ZNF669: variants seen among roughly 807,000 people sequenced by gnomAD.
ZNF669 encodes zinc finger protein 669.
In ZNF669, 7 loss-of-function variants were observed where a neutral mutation model predicts 11.4. That is an observed-to-expected ratio of 0.62 (90% CI 0.35 to 1.16). The LOEUF (loss-of-function observed/expected upper bound fraction) is 1.16, where lower values mean the gene tolerates loss of function less well. Among genes scored for constraint, ZNF669 ranks in the 50% most tolerant of loss-of-function variants. ZNF669 has a pLI of 0.02. For synonymous variants in ZNF669, 153 were observed against 155.8 expected, an observed-to-expected ratio of 0.98 and a Z score of 0.13; for missense variants, 492 against 463.6, an observed-to-expected ratio of 1.06 and a Z score of -0.56.
chr1:247,102,161 C>A, intron 1 of ZNF669, 48 bp from the exon 2 acceptor site: 1 of 1,531,992 alleles, frequency 6.5e-7, no homozygotes, highest in South Asian at 1.3e-5. Context: ...AGACTGACAG[C>A]ACTGGGAATC....
rs1671707786 is a variant in ZNF669 at position 247,100,874 on chromosome 1, T to A, written c.637A>T (p.Thr213Ser). 1.9e-6 allele frequency: 3 copies of A among 1,614,202 alleles called. No individual in the cohort carries two copies. The highest frequency in any genetic ancestry group is 2.5e-6 in the Non-Finnish European group (3 of 1,180,056). Reference protein sequence around the residue: ...VSGSCLIHERTHTGEKPYECK... With the variant: ...VSGSCLIHERSHTGEKPYECK... The stretch of plus-strand genomic sequence containing the variant: ...TCGTAGGGTTTCTCTCCAGTGTGAG[T>A]TCGTTCATGTATTAGACAAGAACCG... Residue 213 changes from threonine (T) to serine (S), a missense_variant, in exon 4 of 4, where the codon ACT (threonine) becomes TCT (serine). Transcript: ENST00000448299.
At chr1:247,103,369 C>T (rs151017573) in intron 1 of ZNF669, among the ~76,000 whole-genome samples, 3,824 of 152,204 alleles carry the variant, frequency 0.025, 179 homozygotes, top group African/African-American at 0.088. Flanking sequence ...CGCGGTGGCT[C>T]ACGCCTGTAA....
Position 247,101,128 on chromosome 1 carries a change from T to C in ZNF669, c.383A>G (p.Tyr128Cys), listed in dbSNP as rs775166541. ...ATATTGCTTCTCTCCATATGGTTTG[T>C]ATCCTGAGTGAGCTAGGATATGCCT... ...LNRHILAHSG[Y>C]KPYGEKQYKC... Residue 128 changes from tyrosine to cysteine, a missense_variant, in exon 4 of 4, where the codon TAC (tyrosine) becomes TGC (cysteine). Coordinates refer to ENST00000448299, the MANE Select transcript of ZNF669 (RefSeq NM_001142572.2). The C allele has an allele frequency of 6.8e-6, 11 of 1,614,124 alleles. No homozygotes were observed. The East Asian group carries it at 8.9e-5, about 13-fold the overall frequency.
Position 247,101,052 on chromosome 1 carries a change from T to C in ZNF669, c.459A>G (p.Arg153=). ...GATTTCCACTGTGCATTATCATGTG[T>C]CTTCTAACACCTGGAACAGAAACGA... The part of the protein sequence containing the change: ...KFFVSVPGVR[R]HMIMHSGNPA... Residue 153 remains arginine (R), a synonymous_variant, in exon 4 of 4, where the codon AGA becomes AGG. Transcript: ENST00000448299. 1 of 1,613,978 alleles carries C rather than the reference T, an allele frequency of 6.2e-7. No individual in the cohort carries two copies. The highest frequency in any genetic ancestry group is 8.5e-7 in the Non-Finnish European group (1 of 1,180,028).
In ZNF669 at chr1:247,104,297, C is replaced by T. The variant is rs1671798650; in HGVS notation, c.-98G>A. Reference sequence around the variant, plus strand: ...CTGCTGCAGAGCCACCTGGGCCTCCCAGAGCCAAGAACTAGCAGCGGAGAC... The same window carrying T: ...CTGCTGCAGAGCCACCTGGGCCTCCTAGAGCCAAGAACTAGCAGCGGAGAC... On this transcript the variant is annotated 5_prime_UTR_variant, in exon 1 of 4. Transcript: ENST00000448299. 5.7e-6 allele frequency: 8 copies of T among 1,412,136 alleles called. No individual in the cohort carries two copies. In the South Asian group the frequency reaches 1.3e-4, roughly 22 times the overall value. The allele number at this position is 1,412,136 out of a possible 1,614,324, so 87.5% of individuals were successfully genotyped here. A position where few individuals can be genotyped will look rare whatever the true frequency, so the allele number is the denominator to read the frequency against.
At position 247,100,699 on chromosome 1, in the gene ZNF669, G is replaced by A. The variant is rs1464732421; in HGVS notation, c.812C>T (p.Thr271Ile). 2 of 1,614,204 alleles carry A rather than the reference G, an allele frequency of 1.2e-6. No individual in the cohort carries two copies. The highest frequency in any genetic ancestry group is 2.2e-5 in the South Asian group (2 of 91,086). The change falls in exon 4 of 4, where the codon ACT becomes ATT. Residue 271 changes from threonine to isoleucine, a missense_variant. By Grantham distance (89) the Thr-to-Ile change is moderately conservative (BLOSUM62 -1). Coordinates refer to ENST00000448299, the MANE Select transcript of ZNF669 (RefSeq NM_001142572.2). ...TTTACACTCATAGGGTCTCTCTCCA[G>A]TATGAATGCTTCCATGGTAACGAAG... ...TSLRYHGSIH[T>I]GERPYECKQC...
Position 247,101,123 on chromosome 1 carries a change from G to T in ZNF669, c.388C>A (p.Pro130Thr). ...RHILAHSGYK[P>T]YGEKQYKCEQ... ...CATTTATATTGCTTCTCTCCATATG[G>T]TTTGTATCCTGAGTGAGCTAGGATA... is the stretch of plus-strand genomic sequence containing the variant. The change falls in exon 4 of 4, where the codon CCA becomes ACA. Residue 130 changes from proline to threonine, a missense_variant. Physicochemically the swap from Pro to Thr is conservative, Grantham distance 38. Coordinates refer to ENST00000448299, the MANE Select transcript of ZNF669 (RefSeq NM_001142572.2). 6.2e-7 allele frequency: 1 copy of T among 1,614,058 alleles called. No individual in the cohort carries two copies. Among genetic ancestry groups the T allele is most frequent in the Non-Finnish European group, 8.5e-7 (1 of 1,180,008 alleles).
chr1:247,102,137 T>C lies in ZNF669; in HGVS notation c.4-24A>G, dbSNP rs1168552807. The C allele has an allele frequency of 7.0e-6, 11 of 1,565,236 alleles. No individual in the cohort carries two copies. In the South Asian group the frequency reaches 8.3e-5, roughly 12 times the overall value. On this transcript the variant is annotated intron_variant, in intron 1 of 3. Coordinates refer to ENST00000448299, the MANE Select transcript of ZNF669 (RefSeq NM_001142572.2). ...TCCTAGAACATTCCACACATGTGGA[T>C]AGAAGGATGGGTGAGACTGACAGCA...
chr1:247,100,428 A>C lies in ZNF669; in HGVS notation c.1083T>G (p.Ser361Arg), dbSNP rs767661162. Residue 361 changes from serine (S) to arginine (R), a missense_variant, in exon 4 of 4, where the codon AGT (serine) becomes AGG (arginine). By Grantham distance (110) the Ser-to-Arg change is moderately radical. Coordinates refer to ENST00000448299, the MANE Select transcript of ZNF669 (RefSeq NM_001142572.2). Reference sequence around the variant, plus strand: ...AAGTGCTGGGATTATAGGCTGAGTCACTACACCCAGCCTCTATATCATGAC... The same window carrying C: ...AAGTGCTGGGATTATAGGCTGAGTCCCTACACCCAGCCTCTATATCATGAC... ...ERSHDIEAGC[S>R]DSAYNPSTLG... 6.2e-7 allele frequency: 1 copy of C among 1,613,946 alleles called. No individual in the cohort carries two copies. Among genetic ancestry groups the C allele is most frequent in the South Asian group, 1.1e-5 (1 of 91,070 alleles).
chr1:247,102,123 T>C lies in ZNF669; in HGVS notation c.4-10A>G, dbSNP rs1671738176. 6.3e-7 allele frequency: 1 copy of C among 1,588,752 alleles called. No homozygotes were observed. Among genetic ancestry groups the C allele is most frequent in the Admixed American group, 1.8e-5 (1 of 54,340 alleles). ...CAAAAGCCACCGAGTCCTAGAACAT[T>C]CCACACATGTGGATAGAAGGATGGG... On this transcript the variant is annotated splice_polypyrimidine_tract_variant and intron_variant, in intron 1 of 3. Coordinates refer to ENST00000448299, the MANE Select transcript of ZNF669 (RefSeq NM_001142572.2).
intron 2 of ZNF669, 66 bp downstream of exon 2, chr1:247,101,921 A>G: frequency 6.2e-7 from 1 of 1,611,358 alleles, no homozygotes; most frequent in Non-Finnish European, 8.5e-7. Flanking sequence ...CACATTCCAA[A>G]TCATAAATAG....
In ZNF669 at chr1:247,100,680, C is replaced by G. The variant is rs745512907; in HGVS notation, c.831G>C (p.Glu277Asp). 3.1e-6 allele frequency: 5 copies of G among 1,614,068 alleles called. No individual in the cohort carries two copies. In the South Asian group the frequency reaches 3.3e-5, roughly 11 times the overall value. ...TAAAGGCTTTGCCACATTGTTTACA[C>G]TCATAGGGTCTCTCTCCAGTATGAA... ...GSIHTGERPYECKQCGKAFSR... is the reference protein window; with the variant it reads ...GSIHTGERPYDCKQCGKAFSR... The change falls in exon 4 of 4, where the codon GAG (glutamate) becomes GAC (aspartate). Residue 277 changes from glutamate to aspartate, a missense_variant. By Grantham distance (45) the Glu-to-Asp change is conservative (BLOSUM62 2). Transcript: ENST00000448299.
rs546364547 is a variant in ZNF669, at chr1:247,102,091, A to T, written c.26T>A (p.Val9Glu). MDSVAFED[V>E]AVNFTQEEWA... ...TTCCTCCTGGGTAAAGTTCACAGCC[A>T]CATCCTCAAAAGCCACCGAGTCCTA... Residue 9 changes from valine (V) to glutamate (E), a missense_variant, in exon 2 of 4, where the codon GTG (valine) becomes GAG (glutamate). Transcript: ENST00000448299. 6.2e-7 allele frequency: 1 copy of T among 1,609,976 alleles called. No homozygotes were observed. Among genetic ancestry groups the T allele is most frequent in the East Asian group, 2.2e-5 (1 of 44,824 alleles).
At chr1:247,101,404 A>G (rs1671722073) in intron 3 of ZNF669, 85 bp from the exon 4 acceptor site, 1 of 1,429,174 alleles carries the variant, frequency 7.0e-7, no homozygotes, top group East Asian at 2.3e-5. Context: ...TTACACTGCT[A>G]CCAATATCAG....
Position 247,101,733 on chromosome 1 carries a change from T to C in ZNF669, c.189A>G (p.Ile63Met). 1 of 1,613,944 alleles carries C rather than the reference T, an allele frequency of 6.2e-7. No homozygotes were observed. Among genetic ancestry groups the C allele is most frequent in the South Asian group, 1.1e-5 (1 of 91,060 alleles). ...EDHFEKPGKD[I>M]RNHIVQRLCE... is the part of the protein sequence containing the mutation. ...TTCCTCTGCTCAGTGCAAATTACCT[T>C]ATATCTTTCCCAGGTTTTTCGAAGT... is the stretch of plus-strand genomic sequence containing the variant. The change falls in exon 3 of 4, where the codon ATA becomes ATG. Residue 63 changes from isoleucine (I) to methionine (M), a missense_variant and splice_region_variant. By Grantham distance (10) the Ile-to-Met change is conservative. Coordinates refer to ENST00000448299, the MANE Select transcript of ZNF669 (RefSeq NM_001142572.2).
chr1:247,104,115 G>A lies in ZNF669; in HGVS notation c.3+82C>T, dbSNP rs145080292. On this transcript the variant is annotated intron_variant, in intron 1 of 3. Coordinates refer to ENST00000448299, the MANE Select transcript of ZNF669 (RefSeq NM_001142572.2). Reference sequence around the variant, plus strand: ...TCGGTCCGCAGGTTCCGGAGCCGATGGCGTGGAGGCCCGAGTCGCGCCACA... The same window carrying A: ...TCGGTCCGCAGGTTCCGGAGCCGATAGCGTGGAGGCCCGAGTCGCGCCACA... 1.7e-4 allele frequency: 274 copies of A among 1,596,424 alleles called. 1 individual carries two copies. In the African/African-American group the frequency reaches 3.3e-3, roughly 20 times the overall value.
intron 1 of ZNF669, chr1:247,103,926 G>A (rs755411676): frequency 1.3e-6 from 2 of 1,590,142 alleles, no homozygotes; most frequent in South Asian, 1.1e-5. Context: ...CCCTCCCGTG[G>A]TCACCACACT....
chr1:247,103,940 T>TG (rs1558359613), intron 1 of ZNF669: 6 of 1,598,344 alleles, frequency 3.8e-6, no homozygotes, highest in South Asian at 1.1e-5. Flanking sequence ...CCACACTACC[T>TG]GGATAGGGGA....
chr1:247,100,512 T>C lies in ZNF669; in HGVS notation c.999A>G (p.Glu333=). Residue 333 remains glutamate (E), a synonymous_variant, in exon 4 of 4, where the codon GAA becomes GAG. Transcript: ENST00000448299. ...TGTAGGCTTTACCGCATTTCTTACA[T>C]TCATAGGGTTTTTCTCCAGTATGAA... is the stretch of plus-strand genomic sequence containing the variant. ...ERIHTGEKPY[E]CKKCGKAYTR... is the part of the protein sequence containing the mutation. 6.2e-7 allele frequency: 1 copy of C among 1,614,214 alleles called. No homozygotes were observed. The highest frequency in any genetic ancestry group is 8.5e-7 in the Non-Finnish European group (1 of 1,180,044).
Sources: gnomAD v4.1 joint callset for allele counts (sites outside exome capture counted in the v4.1 genomes callset) on GRCh38, gnomAD v4.1.1 for gene constraint, MANE v1.5 for transcripts, NCBI Gene and HGNC (gene_info 2026-07-23, HGNC 2026-07-21) for gene names.